SEC61B: variants seen among roughly 807,000 people sequenced by gnomAD.
The protein encoded by SEC61B is protein transport protein Sec61 subunit beta.
A neutral mutation model predicts 12.6 loss-of-function variants in SEC61B; 7 were observed. That is an observed-to-expected ratio of 0.55 (90% CI 0.32 to 1.04). The LOEUF is 1.04. Among genes scored for constraint, SEC61B ranks in the 50% least tolerant of loss-of-function variants. The pLI, the probability that SEC61B is intolerant of heterozygous loss-of-function variation, is 0.05. For missense variants in SEC61B, 107 were observed against 130.1 expected (o/e 0.82, Z 0.86); for synonymous variants, 54 against 50.1 (o/e 1.08, Z -0.33).
At position 99,227,894 on chromosome 9, in the gene SEC61B, T is replaced by G. The variant is rs778963073; in HGVS notation, c.102-5T>G. ...GGCCATTTGTAACATTTTCCTCTCT[T>G]TCAGGAAAAATGCCAGCTGTGGGAC... On this transcript the variant is annotated splice_polypyrimidine_tract_variant and splice_region_variant and intron_variant, in intron 2 of 3. Transcript: ENST00000223641. The G allele has an allele frequency of 5.6e-6, 9 of 1,611,878 alleles. No individual in the cohort carries two copies. The highest frequency in any genetic ancestry group is 5.5e-5 in the South Asian group (5 of 90,952).
At chr9:99,226,868 C>T (rs1828903261) in intron 2 of SEC61B, among the ~76,000 whole-genome samples, 1 of 152,112 alleles carries the variant, frequency 6.6e-6, no homozygotes, top group African/African-American at 2.4e-5. Context: ...ATCTTACAAG[C>T]CTTGATCCCC....
At chr9:99,227,424 A>G (rs150707349) in intron 2 of SEC61B, among the ~76,000 whole-genome samples, 2,653 of 152,306 alleles carry the variant, frequency 0.017, 34 homozygotes, top group Non-Finnish European at 0.029. Flanking sequence ...ACATCTTTTA[A>G]AGTAGCCATT....
intron 1 of SEC61B, 26 bp from the exon 2 acceptor site, chr9:99,222,520 G>C (rs1487228458): frequency 6.2e-7 from 1 of 1,602,574 alleles, no homozygotes; most frequent in Admixed American, 1.7e-5. Flanking sequence ...GCGCTCACCC[G>C]TCTGTCTGCT....
intron 2 of SEC61B, among the ~76,000 whole-genome samples, chr9:99,226,683 G>A (rs118142760): frequency 0.022 from 3,359 of 152,270 alleles, 61 homozygotes; most frequent in Middle Eastern, 0.034. Flanking sequence ...ACGATGAGCA[G>A]CTGGGGTTGG....
chr9:99,222,726 A>C, intron 2 of SEC61B, 83 bp downstream of exon 2: 3 of 1,001,300 alleles, frequency 3.0e-6, no homozygotes, highest in Non-Finnish European at 4.3e-6. Context: ...AGACCCTAGC[A>C]TGTGAAGATT....
chr9:99,226,432 T>C (rs575492953), intron 2 of SEC61B, among the ~76,000 whole-genome samples: 2 of 152,308 alleles, frequency 1.3e-5, no homozygotes, highest in East Asian at 3.9e-4. Context: ...TCTCTTCTTT[T>C]CCGTATATGC....
chr9:99,228,322 C>G (rs970304378), intron 3 of SEC61B, among the ~76,000 whole-genome samples: 1 of 152,098 alleles, frequency 6.6e-6, no homozygotes, highest in African/African-American at 2.4e-5. Context: ...GTGATCTTGC[C>G]CCGTACCAAG....
At position 99,228,014 on chromosome 9, in the gene SEC61B, A is replaced by G. The variant is rs992108679; in HGVS notation, c.203+14A>G. 6.3e-7 allele frequency: 1 copy of G among 1,599,758 alleles called. No individual in the cohort carries two copies. The highest frequency in any genetic ancestry group is 1.3e-5 in the African/African-American group (1 of 74,734). ...TGGGCTCAAAGTGTAAGTCTTAGGAACAGTCCTTGTGTTTCTGTCCAGTGG... is the reference window on the plus strand; with the variant it reads ...TGGGCTCAAAGTGTAAGTCTTAGGAGCAGTCCTTGTGTTTCTGTCCAGTGG... On this transcript the variant is annotated intron_variant, in intron 3 of 3. Coordinates refer to ENST00000223641, the MANE Select transcript of SEC61B (RefSeq NM_006808.3).
intron 2 of SEC61B, among the ~76,000 whole-genome samples, chr9:99,226,344 C>T (rs1828895158): frequency 6.6e-6 from 1 of 152,124 alleles, no homozygotes; most frequent in Non-Finnish European, 1.5e-5. Flanking sequence ...GGAGTAAAGA[C>T]CGTGGTTGGG....
intron 2 of SEC61B, among the ~76,000 whole-genome samples, chr9:99,223,542 T>C (rs1030222025): frequency 6.6e-6 from 1 of 152,124 alleles, no homozygotes; most frequent in Non-Finnish European, 1.5e-5. Context: ...TGCAGGCACG[T>C]GCCACCACAC....
chr9:99,229,779 A>G (rs1828937565), intron 3 of SEC61B, among the ~76,000 whole-genome samples: 1 of 152,238 alleles, frequency 6.6e-6, no homozygotes, highest in South Asian at 2.1e-4. Context: ...TGTAATAATC[A>G]TATCAGGGTG....
intron 2 of SEC61B, 29 bp from the exon 3 acceptor site, chr9:99,227,870 G>T: frequency 6.6e-7 from 1 of 1,511,406 alleles, no homozygotes; most frequent in Non-Finnish European, 9.2e-7. Context: ...TCCAGAAAAG[G>T]CCATTTGTAA....
intron 3 of SEC61B, among the ~76,000 whole-genome samples, chr9:99,229,250 G>T (rs748469361): frequency 1.2e-3 from 189 of 152,222 alleles, no homozygotes; most frequent in Non-Finnish European, 2.1e-3. Flanking sequence ...TGGGGTTGGG[G>T]ATATGTGAGG....
rs1043293014 is a variant in SEC61B at position 99,222,485 on chromosome 9, G to A, written c.4-61G>A. The stretch of plus-strand genomic sequence containing the variant: ...CCCAGCCTCGGGTGTGGGTGTCTAG[G>A]CCGGGGTTCTGGGGCAGGCCTGCCG... On this transcript the variant is annotated intron_variant, in intron 1 of 3. Coordinates refer to ENST00000223641, the MANE Select transcript of SEC61B (RefSeq NM_006808.3). 16 of 1,604,518 alleles carry A rather than the reference G, an allele frequency of 1.0e-5. No individual in the cohort carries two copies. The Admixed American group carries it at 2.5e-4, about 25-fold the overall frequency.
intron 3 of SEC61B, among the ~76,000 whole-genome samples, chr9:99,229,136 A>G (rs1178153946): frequency 6.6e-6 from 1 of 152,140 alleles, no homozygotes; most frequent in African/African-American, 2.4e-5. Flanking sequence ...CAAAGTCACA[A>G]AAGGATCACA....
intron 2 of SEC61B, among the ~76,000 whole-genome samples, chr9:99,224,283 T>C (rs1398634131): frequency 6.6e-6 from 1 of 152,216 alleles, no homozygotes; most frequent in Admixed American, 6.5e-5. Flanking sequence ...TTGAGTTCCC[T>C]GTCATTGGGA....
intron 1 of SEC61B, 84 bp from the exon 2 acceptor site, chr9:99,222,462 C>A (rs1231368361): frequency 1.2e-6 from 2 of 1,606,276 alleles, no homozygotes; most frequent in Non-Finnish European, 1.7e-6. Context: ...TTGCTTCCCC[C>A]AGCCTCGGGT....
intron 3 of SEC61B, among the ~76,000 whole-genome samples, chr9:99,228,868 GAC>G (rs1828929158): frequency 6.6e-6 from 1 of 152,128 alleles, no homozygotes; most frequent in Admixed American, 6.5e-5. Flanking sequence ...CATGCTCAAA[GAC>G]ACACAACAAG....
chr9:99,227,973 A>G lies in SEC61B; in HGVS notation c.176A>G (p.Tyr59Cys). 6.2e-7 allele frequency: 1 copy of G among 1,614,034 alleles called. No homozygotes were observed. Among genetic ancestry groups the G allele is most frequent in the East Asian group, 2.2e-5 (1 of 44,888 alleles). ...GGCACCGGGGGGATGTGGCGATTCT[A>G]CACAGAAGATTCACCTGGGCTCAAA... ...SAGTGGMWRF[Y>C]TEDSPGLKVG... The change falls in exon 3 of 4, where the codon TAC becomes TGC. Residue 59 changes from tyrosine to cysteine, a missense_variant. Coordinates refer to ENST00000223641, the MANE Select transcript of SEC61B (RefSeq NM_006808.3).
Sources: gnomAD v4.1 joint callset for allele counts (sites outside exome capture counted in the v4.1 genomes callset) on GRCh38, gnomAD v4.1.1 for gene constraint, MANE v1.5 for transcripts, NCBI Gene and HGNC (gene_info 2026-07-23, HGNC 2026-07-21) for gene names.